SCHIP1: variants seen among roughly 807,000 people sequenced by gnomAD.
The protein encoded by SCHIP1 is schwannomin interacting protein 1, also known as schwannomin-interacting protein 1.
Under a neutral mutation model 29.7 loss-of-function variants are expected in SCHIP1, and 8 were observed. The observed-to-expected ratio is 0.27, with a 90% confidence interval of 0.16 to 0.49. The LOEUF is 0.49. Ranked by LOEUF, SCHIP1 falls within the 20% of genes least tolerant of loss-of-function variation. The pLI is 0.99. For synonymous variants in SCHIP1, 76 were observed against 94.9 expected, an observed-to-expected ratio of 0.80 and a Z score of 1.16; for missense variants, 193 against 294.6, an observed-to-expected ratio of 0.66 and a Z score of 2.52.
the SCHIP1 span, among the ~76,000 whole-genome samples, chr3:159,662,400 G>A: frequency 4.6e-5 from 7 of 152,276 alleles, no homozygotes; most frequent in East Asian, 1.2e-3. Context: ...GTGCAGCACT[G>A]AGGAATGAGC....
the SCHIP1 span, among the ~76,000 whole-genome samples, chr3:159,782,557 C>T: frequency 6.6e-6 from 1 of 152,124 alleles, no homozygotes; most frequent in Non-Finnish European, 1.5e-5. Flanking sequence ...ATCATTCAAA[C>T]ATAAATGCAT....
At chr3:159,425,312 A>G in the SCHIP1 span, among the ~76,000 whole-genome samples, 4 of 152,006 alleles carry the variant, frequency 2.6e-5, no homozygotes, top group African/African-American at 9.7e-5. Flanking sequence ...ACATGCAGAG[A>G]CACACATAGG....
intron 5 of SCHIP1, among the ~76,000 whole-genome samples, chr3:159,891,637 A>G (rs1044116060): frequency 1.1e-4 from 17 of 152,180 alleles, no homozygotes; most frequent in Non-Finnish European, 2.2e-4. Context: ...TCCTAGGGCC[A>G]TGTGAAGGCA....
chr3:159,297,154 G>T, the SCHIP1 span, among the ~76,000 whole-genome samples: 1 of 147,022 alleles, frequency 6.8e-6, no homozygotes, highest in African/African-American at 2.6e-5. Context: ...GTGTGTGTGT[G>T]TGTGTGTGTG....
chr3:159,615,979 G>T, the SCHIP1 span, among the ~76,000 whole-genome samples: 1 of 152,144 alleles, frequency 6.6e-6, no homozygotes, highest in Non-Finnish European at 1.5e-5. Flanking sequence ...TTGCCCTGTG[G>T]CTCCAGAGAG....
the SCHIP1 span, among the ~76,000 whole-genome samples, chr3:159,827,140 T>C: frequency 6.6e-6 from 1 of 152,260 alleles, no homozygotes; most frequent in Non-Finnish European, 1.5e-5. Context: ...TAGAATAGTG[T>C]TTCTTCTACT....
the SCHIP1 span, among the ~76,000 whole-genome samples, chr3:159,801,702 G>T: frequency 6.6e-6 from 1 of 152,034 alleles, no homozygotes; most frequent in Non-Finnish European, 1.5e-5. Flanking sequence ...TTTAAAGGGA[G>T]TTATTTATTC....
the SCHIP1 span, among the ~76,000 whole-genome samples, chr3:159,586,549 T>C: frequency 1.3e-5 from 2 of 152,178 alleles, no homozygotes; most frequent in African/African-American, 2.4e-5. Flanking sequence ...GAAAACATTT[T>C]CTTAATATTT....
chr3:159,505,317 A>G, the SCHIP1 span, among the ~76,000 whole-genome samples: 1 of 152,322 alleles, frequency 6.6e-6, no homozygotes, highest in East Asian at 1.9e-4. Context: ...GGAAATCTCA[A>G]CATGATTTTC....
At chr3:159,542,052 A>T in the SCHIP1 span, among the ~76,000 whole-genome samples, 1 of 152,034 alleles carries the variant, frequency 6.6e-6, no homozygotes, top group African/African-American at 2.4e-5. Context: ...ATCTTATTTA[A>T]TTCTACTTTC....
the SCHIP1 span, among the ~76,000 whole-genome samples, chr3:159,424,432 G>C: frequency 2.0e-5 from 3 of 152,198 alleles, no homozygotes; most frequent in East Asian, 5.8e-4. Context: ...CTGGATATCA[G>C]TGTATCAGTG....
At chr3:159,866,077 T>A (rs1714594814) in intron 1 of SCHIP1, 86 bp from the exon 3 acceptor site, 3 of 1,144,112 alleles carry the variant, frequency 2.6e-6, no homozygotes, top group Admixed American at 4.0e-5. Flanking sequence ...AATGTTACAG[T>A]TCTAAGAAAC....
At chr3:159,676,494 T>TG in the SCHIP1 span, among the ~76,000 whole-genome samples, 1 of 152,244 alleles carries the variant, frequency 6.6e-6, no homozygotes, top group African/African-American at 2.4e-5. Flanking sequence ...AATACTGAGT[T>TG]GGCCTGAATC....
At chr3:159,671,882 A>C in the SCHIP1 span, among the ~76,000 whole-genome samples, 8 of 152,104 alleles carry the variant, frequency 5.3e-5, no homozygotes, top group East Asian at 1.5e-3. Context: ...AATGAATCCC[A>C]TTTTCCCAGA....
At chr3:159,423,337 T>C in the SCHIP1 span, among the ~76,000 whole-genome samples, 6 of 152,116 alleles carry the variant, frequency 3.9e-5, no homozygotes, top group Non-Finnish European at 8.8e-5. Context: ...ACCTGGAAAA[T>C]CGGGTCACTC....
the SCHIP1 span, among the ~76,000 whole-genome samples, chr3:159,602,558 A>G: frequency 3.6e-4 from 55 of 152,104 alleles, no homozygotes; most frequent in African/African-American, 1.3e-3. Flanking sequence ...AAAATACAAA[A>G]AATAGCTGGG....
the SCHIP1 span, among the ~76,000 whole-genome samples, chr3:159,429,477 T>C: frequency 2.6e-5 from 4 of 152,282 alleles, no homozygotes; most frequent in East Asian, 7.7e-4. Context: ...CTCATTCCAA[T>C]AAATTATCCT....
the SCHIP1 span, chr3:159,764,504 G>A: frequency 6.3e-7 from 1 of 1,587,022 alleles, no homozygotes; most frequent in Non-Finnish European, 8.6e-7. This position sits in a 1 kb window ranked among gnomAD's most constrained non-coding sequence, Gnocchi z 6.1. Context: ...AGCAGCAGCC[G>A]CGCCAGTTCA....
the SCHIP1 span, among the ~76,000 whole-genome samples, chr3:159,362,082 AAGTT>A: frequency 3.3e-5 from 5 of 152,162 alleles, no homozygotes; most frequent in Non-Finnish European, 5.9e-5. Flanking sequence ...TAAATAGAAA[AAGTT>A]AGAGGGTCAA....
Sources: gnomAD v4.1 joint callset for allele counts (sites outside exome capture counted in the v4.1 genomes callset) on GRCh38, gnomAD v4.1.1 for gene constraint, Gnocchi (gnomAD v3.1) non-coding constraint, MANE v1.5 for transcripts, NCBI Gene and HGNC (gene_info 2026-07-23, HGNC 2026-07-21) for gene names.